Variants in CDH13 observed in about 807,000 individuals in gnomAD.
The protein encoded by CDH13 is cadherin-13.
A neutral mutation model predicts 63.8 loss-of-function variants in CDH13; 24 were observed. The observed-to-expected ratio is 0.38, with a 90% confidence interval of 0.27 to 0.53. The LOEUF is 0.53. Among genes scored for constraint, CDH13 ranks in the 20% least tolerant of loss-of-function variants. The pLI is 0.85. For missense variants in CDH13, 1,049 were observed against 903.1 expected, an observed-to-expected ratio of 1.16 and a Z score of -2.07; for synonymous variants, 503 against 355.3, an observed-to-expected ratio of 1.42 and a Z score of -4.67.
At chr16:83,031,927 T>C in intron 2 of CDH13, 83 bp from the exon 3 acceptor site, 2 of 1,089,930 alleles carry the variant, frequency 1.8e-6, no homozygotes, top group South Asian at 1.5e-5. Context: ...ATGTGGTAAT[T>C]CACACTTAAT....
intron 2 of CDH13, among the ~76,000 whole-genome samples, chr16:82,929,419 G>T (rs2042406137): frequency 6.6e-6 from 1 of 151,716 alleles, no homozygotes; most frequent in Non-Finnish European, 1.5e-5. Context: ...AGGCGGGGTG[G>T]ATCACAAGGT....
At chr16:83,779,393 C>T (rs570447085) in intron 11 of CDH13, among the ~76,000 whole-genome samples, 6 of 95,824 alleles carry the variant, frequency 6.3e-5, no homozygotes, top group East Asian at 6.6e-4. Flanking sequence ...GGCGACAGCG[C>T]GAGACTCCAT....
intron 1 of CDH13, among the ~76,000 whole-genome samples, chr16:82,670,987 C>T (rs1330552828): frequency 1.3e-5 from 2 of 152,148 alleles, no homozygotes; most frequent in Admixed American, 6.5e-5. Flanking sequence ...TGATGATTAT[C>T]ATGTATTGTT....
At chr16:83,329,494 C>A (rs1400671706) in intron 5 of CDH13, among the ~76,000 whole-genome samples, 2 of 151,970 alleles carry the variant, frequency 1.3e-5, no homozygotes, top group Non-Finnish European at 2.9e-5. Context: ...ACCTCGATCT[C>A]CCAAAGTGCC....
chr16:82,734,195 CA>C (rs1278570284), intron 1 of CDH13, among the ~76,000 whole-genome samples: 2 of 152,200 alleles, frequency 1.3e-5, no homozygotes, highest in Admixed American at 1.3e-4. Context: ...AATAAAGTTC[CA>C]TTGGATCTCA....
chr16:83,340,714 A>G (rs922283267), intron 5 of CDH13, among the ~76,000 whole-genome samples: 6 of 152,288 alleles, frequency 3.9e-5, no homozygotes, highest in Admixed American at 2.0e-4. Flanking sequence ...TGACCTTTGA[A>G]TAGCAAGGTA....
chr16:83,356,042 C>G (rs1219974546), intron 6 of CDH13, among the ~76,000 whole-genome samples: 3 of 152,190 alleles, frequency 2.0e-5, no homozygotes, highest in Non-Finnish European at 4.4e-5. Flanking sequence ...CAGATCGAAA[C>G]TCAGACCTGT....
At chr16:83,179,135 C>G (rs569593460) in intron 4 of CDH13, among the ~76,000 whole-genome samples, 1 of 152,272 alleles carries the variant, frequency 6.6e-6, no homozygotes, top group East Asian at 1.9e-4. Flanking sequence ...TTTCAATCCC[C>G]TTCCTTGGAA....
At chr16:82,761,445 A>T (rs1358606346) in intron 1 of CDH13, among the ~76,000 whole-genome samples, 1 of 152,184 alleles carries the variant, frequency 6.6e-6, no homozygotes, top group East Asian at 1.9e-4. Context: ...CAGCCAGCCA[A>T]CTTCTGATGT....
intron 6 of CDH13, among the ~76,000 whole-genome samples, chr16:83,368,991 G>A (rs74465376): frequency 0.16 from 21,645 of 138,084 alleles, 2,657 homozygotes; most frequent in African/African-American, 0.33. Context: ...CTGGTTCCAT[G>A]TTCTTGCAAT....
At chr16:83,220,951 T>C (rs539693710) in intron 5 of CDH13, among the ~76,000 whole-genome samples, 1 of 152,374 alleles carries the variant, frequency 6.6e-6, no homozygotes, top group African/African-American at 2.4e-5. Context: ...ACACTTTGTA[T>C]AATTCTCTTA....
chr16:83,666,579 C>G (rs1465005269), intron 8 of CDH13, among the ~76,000 whole-genome samples: 3 of 152,232 alleles, frequency 2.0e-5, no homozygotes, highest in African/African-American at 4.8e-5. Flanking sequence ...TCTACCACCT[C>G]TGGAGTCTGA....
rs534047930 is a variant in CDH13, at chr16:83,062,329, G to A, written c.366+30111G>A. Among the ~76,000 whole-genome samples, 11 of 152,210 alleles carry A rather than the reference G, an allele frequency of 7.2e-5. No homozygotes were observed. The East Asian group carries it at 1.2e-3, about 16-fold the overall frequency. On this transcript the variant is annotated intron_variant, in intron 3 of 13. Coordinates refer to ENST00000567109, the MANE Select transcript of CDH13 (RefSeq NM_001257.5). ...GTTACACTTTCACATTTTTAAAAGCGTTGTTTCTTTTTTTGTTTTTTGTCC... is the reference window on the plus strand; with the variant it reads ...GTTACACTTTCACATTTTTAAAAGCATTGTTTCTTTTTTTGTTTTTTGTCC...
intron 2 of CDH13, among the ~76,000 whole-genome samples, chr16:82,978,518 G>T (rs1293517388): frequency 1.3e-5 from 2 of 152,220 alleles, no homozygotes; most frequent in East Asian, 3.9e-4. Context: ...TTGGTGCCCT[G>T]TGTCCCAGCC....
rs192432418 is a variant in CDH13, at chr16:82,644,601, G to A, written c.45+17464G>A. On this transcript the variant is annotated intron_variant, in intron 1 of 13. Transcript: ENST00000567109. The surrounding 1 kb of genome is among the most constrained non-coding windows in gnomAD (Gnocchi z 5.7). Reference sequence around the variant, plus strand: ...AGGCTTTATGGAGGCAAAGCTGAGGGGCTGTACGTGTCTTCATAGGTCTCC... The same window carrying A: ...AGGCTTTATGGAGGCAAAGCTGAGGAGCTGTACGTGTCTTCATAGGTCTCC... Among the ~76,000 whole-genome samples, 12 of 152,288 alleles carry A rather than the reference G, an allele frequency of 7.9e-5. No homozygotes were observed. In the East Asian group the frequency reaches 1.9e-3, roughly 24 times the overall value.
chr16:83,290,909 A>G (rs1290853981), intron 5 of CDH13, among the ~76,000 whole-genome samples: 5 of 152,040 alleles, frequency 3.3e-5, no homozygotes, highest in African/African-American at 1.2e-4. Flanking sequence ...CGCAGGGAAC[A>G]TCTATACATT....
chr16:82,934,385 C>T (rs1019919212), intron 2 of CDH13, among the ~76,000 whole-genome samples: 1 of 152,162 alleles, frequency 6.6e-6, no homozygotes, highest in African/African-American at 2.4e-5. Context: ...CCTTAGGCTG[C>T]ACACAGCTGG....
chr16:83,322,080 C>G (rs1390498941), intron 5 of CDH13, among the ~76,000 whole-genome samples: 3 of 152,156 alleles, frequency 2.0e-5, no homozygotes, highest in Non-Finnish European at 4.4e-5. Context: ...ATAAAAATAA[C>G]TAGCTTAAGG....
At chr16:82,670,384 T>C (rs965625084) in intron 1 of CDH13, among the ~76,000 whole-genome samples, 1 of 152,192 alleles carries the variant, frequency 6.6e-6, no homozygotes, top group Non-Finnish European at 1.5e-5. Context: ...CACTGATTTC[T>C]CCTTCACGCA....
Sources: gnomAD v4.1 joint callset for allele counts (sites outside exome capture counted in the v4.1 genomes callset) on GRCh38, gnomAD v4.1.1 for gene constraint, Gnocchi (gnomAD v3.1) non-coding constraint, MANE v1.5 for transcripts, NCBI Gene and HGNC (gene_info 2026-07-23, HGNC 2026-07-21) for gene names.